The following DGKG variants were observed in gnomAD, a reference collection of about 807,000 sequenced individuals.
The protein encoded by DGKG is diacylglycerol kinase gamma.
DGKG carries 78 observed loss-of-function variants against 105.3 expected under a neutral mutation model. The observed-to-expected ratio is 0.74, with a 90% confidence interval of 0.62 to 0.89. The LOEUF (loss-of-function observed/expected upper bound fraction) is 0.89. DGKG is among the 40% of genes least tolerant of loss of function. The pLI, the probability that DGKG is intolerant of heterozygous loss-of-function variation, is 0.00. For missense variants in DGKG, 958 were observed against 1,020.1 expected (o/e 0.94, Z 0.83); for synonymous variants, 346 against 367.1 (o/e 0.94, Z 0.66).
At chr3:186,354,313 C>T (rs1726798011) in intron 1 of DGKG, among the ~76,000 whole-genome samples, 1 of 152,200 alleles carries the variant, frequency 6.6e-6, no homozygotes, top group Non-Finnish European at 1.5e-5. Context: ...AGGCCAAAAA[C>T]ATTTCAAGTA....
chr3:186,215,828 AGTC>A (rs996376220), intron 20 of DGKG, among the ~76,000 whole-genome samples: 4 of 152,276 alleles, frequency 2.6e-5, no homozygotes, highest in African/African-American at 9.6e-5. Flanking sequence ...TCCCAGTGGC[AGTC>A]GTCTTTGTAA....
chr3:186,299,828 TC>T (rs1723815283), intron 3 of DGKG, among the ~76,000 whole-genome samples: 3 of 90,306 alleles, frequency 3.3e-5, no homozygotes, highest in African/African-American at 7.3e-5. Flanking sequence ...TTTCTTTCTT[TC>T]TTTCTTTCTT....
At chr3:186,239,589 C>CATTTTA (rs1720576991) in intron 20 of DGKG, among the ~76,000 whole-genome samples, 1 of 152,166 alleles carries the variant, frequency 6.6e-6, no homozygotes, top group Non-Finnish European at 1.5e-5. Flanking sequence ...TAGACATGGG[C>CATTTTA]GAATAGGCAG....
At chr3:186,279,707 T>C in intron 9 of DGKG, 144 bp downstream of exon 9, 4 of 794,160 alleles carry the variant, frequency 5.0e-6, no homozygotes, top group Non-Finnish European at 5.9e-6. Context: ...TACAAAATAA[T>C]GTAAATAGAG....
chr3:186,281,588 A>C (rs939452325), intron 7 of DGKG, among the ~76,000 whole-genome samples: 1 of 152,250 alleles, frequency 6.6e-6, no homozygotes, highest in African/African-American at 2.4e-5. Flanking sequence ...GGGTCCAAAT[A>C]GCAAGCTAAA....
chr3:186,199,806 G>GC (rs1426106499), intron 21 of DGKG, among the ~76,000 whole-genome samples: 1 of 152,156 alleles, frequency 6.6e-6, no homozygotes, highest in Non-Finnish European at 1.5e-5. Context: ...GAGCCACTGC[G>GC]CCCGGCCTTG....
chr3:186,293,368 A>T (rs951528910), intron 5 of DGKG, among the ~76,000 whole-genome samples: 3 of 152,112 alleles, frequency 2.0e-5, no homozygotes, highest in Non-Finnish European at 4.4e-5. Context: ...TGAGTGTATT[A>T]CTTTTATAAT....
At chr3:186,160,373 A>T (rs1249182090) in intron 24 of DGKG, 1 of 985,158 alleles carries the variant, frequency 1.0e-6, no homozygotes, top group Non-Finnish European at 1.2e-6. Flanking sequence ...AGGAACTTGG[A>T]TAGATTCTTC....
At chr3:186,309,859 T>G (rs1283131479) in intron 2 of DGKG, among the ~76,000 whole-genome samples, 1 of 152,136 alleles carries the variant, frequency 6.6e-6, no homozygotes, top group African/African-American at 2.4e-5. Context: ...GTGTGATATA[T>G]ATACACACAT....
At position 186,300,318 on chromosome 3, in the gene DGKG, C is replaced by T. The variant is rs1257542570; in HGVS notation, c.145-2089G>A. ...TTCTCCCCTTTCCTTTCAAATTTCT[C>T]CAAACAGACCAGATTAGCCTCCTCA... On this transcript the variant is annotated intron_variant, in intron 3 of 24. Coordinates refer to ENST00000265022, the MANE Select transcript of DGKG (RefSeq NM_001346.3). Among the ~76,000 whole-genome samples the T allele has an allele frequency of 3.3e-5, 5 of 152,182 alleles. No individual in the cohort carries two copies. The East Asian group carries it at 9.6e-4, about 29-fold the overall frequency.
chr3:186,214,635 T>C (rs1257892644), intron 20 of DGKG, among the ~76,000 whole-genome samples: 1 of 152,254 alleles, frequency 6.6e-6, no homozygotes, highest in Non-Finnish European at 1.5e-5. Context: ...TACCATGCCC[T>C]AATCCTTGAT....
chr3:186,331,163 A>C (rs1475986645), intron 1 of DGKG, among the ~76,000 whole-genome samples: 1 of 152,224 alleles, frequency 6.6e-6, no homozygotes, highest in South Asian at 2.1e-4. Context: ...GTGAACTATA[A>C]TTTCTAATTA....
At chr3:186,248,035 A>C (rs1251860481) in intron 19 of DGKG, among the ~76,000 whole-genome samples, 1 of 145,388 alleles carries the variant, frequency 6.9e-6, no homozygotes, top group Non-Finnish European at 1.5e-5. Flanking sequence ...CTTTTTTCCT[A>C]CTTTTTTTGC....
chr3:186,302,582 A>T (rs1328951724), intron 3 of DGKG, among the ~76,000 whole-genome samples: 2 of 139,522 alleles, frequency 1.4e-5, no homozygotes, highest in African/African-American at 5.2e-5. Context: ...ATATATACCC[A>T]CATACATATA....
At chr3:186,184,999 C>T (rs1046646011) in intron 22 of DGKG, among the ~76,000 whole-genome samples, 1 of 152,154 alleles carries the variant, frequency 6.6e-6, no homozygotes, top group Non-Finnish European at 1.5e-5. Context: ...TTTTGCGGAA[C>T]TGTAAGGAAT....
chr3:186,169,019 G>A (rs1716692051), intron 22 of DGKG, among the ~76,000 whole-genome samples: 1 of 152,172 alleles, frequency 6.6e-6, no homozygotes, highest in African/African-American at 2.4e-5. Context: ...TATTGATCAT[G>A]AAAATCACTG....
intron 16 of DGKG, among the ~76,000 whole-genome samples, chr3:186,260,112 A>G (rs907598459): frequency 6.6e-6 from 1 of 152,228 alleles, no homozygotes; most frequent in Non-Finnish European, 1.5e-5. Flanking sequence ...CAGCTAACAG[A>G]GCCTTGCAAA....
chr3:186,204,018 G>T (rs183326993), intron 21 of DGKG, among the ~76,000 whole-genome samples: 2 of 152,324 alleles, frequency 1.3e-5, no homozygotes, highest in Admixed American at 6.5e-5. Context: ...CCCACAGCTG[G>T]AGCTTAAGAG....
intron 19 of DGKG, among the ~76,000 whole-genome samples, chr3:186,246,623 T>C (rs138104711): frequency 6.6e-6 from 1 of 152,358 alleles, no homozygotes; most frequent in Non-Finnish European, 1.5e-5. Context: ...TAGACCCTTG[T>C]CCACGTCCCT....
Sources: gnomAD v4.1 joint callset for allele counts (sites outside exome capture counted in the v4.1 genomes callset) on GRCh38, gnomAD v4.1.1 for gene constraint, MANE v1.5 for transcripts, NCBI Gene and HGNC (gene_info 2026-07-23, HGNC 2026-07-21) for gene names.